MIB1: variants seen among roughly 807,000 people sequenced by gnomAD.
MIB1 encodes the protein MIB E3 ubiquitin protein ligase 1.
Under a neutral mutation model 124.5 loss-of-function variants are expected in MIB1, and 278 were observed. The ratio of observed to expected loss-of-function variants is 2.23; its 90% CI spans 2.02 to 2.47. MIB1 has a LOEUF of 2.47. Ranked by LOEUF, MIB1 falls within the 30% of genes most tolerant of loss-of-function variation. The pLI is 0.00. For synonymous variants in MIB1, 446 were observed against 429.4 expected (o/e 1.04, Z -0.48); for missense variants, 957 against 1,254.4 (o/e 0.76, Z 3.58).
At chr18:21,791,344 C>T in intron 6 of MIB1, 30 bp from the exon 7 acceptor site, 8 of 1,536,704 alleles carry the variant, frequency 5.2e-6, no homozygotes, top group South Asian at 2.6e-5. Context: ...GCAAAGCTAC[C>T]CATTTTGAGG....
intron 1 of MIB1, among the ~76,000 whole-genome samples, chr18:21,754,611 G>A (rs1405513076): frequency 6.6e-6 from 1 of 152,156 alleles, no homozygotes; most frequent in African/African-American, 2.4e-5. Flanking sequence ...GCCATCAAGT[G>A]CATCCTTTAA....
intron 11 of MIB1, among the ~76,000 whole-genome samples, chr18:21,818,675 G>T (rs913475045): frequency 1.8e-4 from 27 of 152,192 alleles, no homozygotes; most frequent in African/African-American, 5.8e-4. Flanking sequence ...GGTGGCTCAC[G>T]CCTGTAATCC....
chr18:21,843,051 T>C (rs1447068213), intron 13 of MIB1, 80 bp from the exon 14 acceptor site: 1 of 952,912 alleles, frequency 1.0e-6, no homozygotes, highest in African/African-American at 1.7e-5. Context: ...GTGTTATTTA[T>C]TCCTTATGAG....
intron 10 of MIB1, among the ~76,000 whole-genome samples, chr18:21,809,350 A>G (rs2041744546): frequency 1.3e-5 from 2 of 152,094 alleles, no homozygotes; most frequent in Non-Finnish European, 2.9e-5. Flanking sequence ...AAGAACTAAT[A>G]TTCTTTCTCA....
intron 9 of MIB1, among the ~76,000 whole-genome samples, chr18:21,801,849 T>C (rs2041653671): frequency 6.6e-6 from 1 of 152,172 alleles, no homozygotes; most frequent in Non-Finnish European, 1.5e-5. Context: ...TCCTCTGCAC[T>C]GGATGCCCAC....
intron 10 of MIB1, among the ~76,000 whole-genome samples, chr18:21,814,770 C>T (rs1221918055): frequency 6.6e-6 from 1 of 151,258 alleles, no homozygotes; most frequent in East Asian, 2.0e-4. Context: ...GACGGGTTTT[C>T]TCCGTGTTGG....
intron 7 of MIB1, among the ~76,000 whole-genome samples, chr18:21,792,139 T>G (rs528843522): frequency 6.6e-6 from 1 of 152,316 alleles, no homozygotes; most frequent in South Asian, 2.1e-4. Context: ...TTGGTATTAC[T>G]CTGTCACCTT....
intron 20 of MIB1, among the ~76,000 whole-genome samples, chr18:21,859,048 T>C (rs1459606367): frequency 6.6e-6 from 1 of 152,216 alleles, no homozygotes; most frequent in Non-Finnish European, 1.5e-5. Context: ...TTTGTCATTA[T>C]CTAATAAAAT....
chr18:21,740,392 A>G (rs563644430), upstream of MIB1, among the ~76,000 whole-genome samples: 1 of 152,242 alleles, frequency 6.6e-6, no homozygotes, highest in Non-Finnish European at 1.5e-5. Flanking sequence ...TTAAAAACAC[A>G]CTACTAACCT....
intron 4 of MIB1, among the ~76,000 whole-genome samples, 173 bp from the exon 5 acceptor site, chr18:21,777,928 TCA>T: frequency 6.6e-6 from 1 of 152,182 alleles, no homozygotes; most frequent in Non-Finnish European, 1.5e-5. Context: ...TATCTGAAGA[TCA>T]GGTTTCTAGT....
chr18:21,825,979 T>C (rs1598629477), intron 12 of MIB1: 1 of 308,894 alleles, frequency 3.2e-6, no homozygotes, highest in African/African-American at 2.3e-5. Context: ...TTTAACACAT[T>C]ACTGCATTAA....
At chr18:21,759,308 T>A (rs2041070772) in intron 1 of MIB1, among the ~76,000 whole-genome samples, 1 of 151,970 alleles carries the variant, frequency 6.6e-6, no homozygotes, top group African/African-American at 2.4e-5. Context: ...AGTGGCGTGA[T>A]CTCGGCTCAC....
intron 10 of MIB1, among the ~76,000 whole-genome samples, chr18:21,805,255 T>G (rs1450115594): frequency 6.6e-6 from 1 of 151,992 alleles, no homozygotes; most frequent in Admixed American, 6.6e-5. Flanking sequence ...TCAAGTGATG[T>G]GCCTGCCTCA....
At chr18:21,731,256 CT>C (rs1471129533) in intron 1 of MIB1, among the ~76,000 whole-genome samples, 1 of 152,162 alleles carries the variant, frequency 6.6e-6, no homozygotes, top group East Asian at 1.9e-4. Flanking sequence ...AGTGTAGGTA[CT>C]TTATTTTTGT....
At chr18:21,846,480 G>A (rs563462925) in intron 15 of MIB1, among the ~76,000 whole-genome samples, 42 of 152,136 alleles carry the variant, frequency 2.8e-4, no homozygotes, top group Non-Finnish European at 4.1e-4. Flanking sequence ...CTCATTCTCC[G>A]TATCTTGGCT....
chr18:21,809,591 G>T (rs539826211), intron 10 of MIB1, among the ~76,000 whole-genome samples: 1 of 152,086 alleles, frequency 6.6e-6, no homozygotes, highest in Non-Finnish European at 1.5e-5. Flanking sequence ...TGTTAAAAAT[G>T]GTTTAACATA....
chr18:21,735,307 C>T (rs538849998), intron 1 of MIB1, among the ~76,000 whole-genome samples: 1 of 152,286 alleles, frequency 6.6e-6, no homozygotes, highest in Non-Finnish European at 1.5e-5. Context: ...CTGTGAGAGA[C>T]TGTACTGGGA....
chr18:21,837,907 C>T (rs1293423640), intron 12 of MIB1, among the ~76,000 whole-genome samples: 5 of 152,164 alleles, frequency 3.3e-5, no homozygotes, highest in Non-Finnish European at 7.4e-5. Flanking sequence ...AAATTATTAT[C>T]TGGCTGTTCT....
chr18:21,745,675 A>AACACACACACACACACACACACACACAC (rs144491531), intron 1 of MIB1, among the ~76,000 whole-genome samples: 3 of 144,652 alleles, frequency 2.1e-5, no homozygotes, highest in African/African-American at 7.6e-5. Flanking sequence ...ATAGGTGTTA[A>AACACACACACACACACACACACACACAC]ACACACACAC....
Sources: gnomAD v4.1 joint callset for allele counts (sites outside exome capture counted in the v4.1 genomes callset) on GRCh38, gnomAD v4.1.1 for gene constraint, MANE v1.5 for transcripts, NCBI Gene and HGNC (gene_info 2026-07-23, HGNC 2026-07-21) for gene names.